NRXN1: variants seen among roughly 807,000 people sequenced by gnomAD.
NRXN1 encodes the protein neurexin 1.
NRXN1 carries 39 observed loss-of-function variants against 150.9 expected under a neutral mutation model. The ratio of observed to expected loss-of-function variants is 0.26; its 90% CI spans 0.20 to 0.34. The LOEUF (loss-of-function observed/expected upper bound fraction) is 0.34. Among genes scored for constraint, NRXN1 ranks in the 10% least tolerant of loss-of-function variants. The pLI is 1.00. For synonymous variants in NRXN1, 924 were observed against 757.0 expected (o/e 1.22, Z -3.62); for missense variants, 1,815 against 1,949.9 (o/e 0.93, Z 1.30).
At chr2:50,879,433 T>A (rs901960895) in intron 5 of NRXN1, among the ~76,000 whole-genome samples, 3 of 152,020 alleles carry the variant, frequency 2.0e-5, no homozygotes, top group Non-Finnish European at 1.5e-5. Flanking sequence ...CAAGAGAGTA[T>A]CATTTCAGGA....
intron 5 of NRXN1, among the ~76,000 whole-genome samples, chr2:50,834,745 G>A (rs1367732775): frequency 1.3e-5 from 2 of 152,004 alleles, no homozygotes; most frequent in Non-Finnish European, 2.9e-5. Flanking sequence ...CTCTGTGTGC[G>A]TATCTTAGAT....
At chr2:50,996,676 T>C (rs572017684) in intron 2 of NRXN1, among the ~76,000 whole-genome samples, 5 of 152,110 alleles carry the variant, frequency 3.3e-5, no homozygotes, top group Non-Finnish European at 5.9e-5. Context: ...GAAACCTCCA[T>C]ATTACATAAA....
intron 5 of NRXN1, among the ~76,000 whole-genome samples, chr2:50,772,209 C>T (rs1703095155): frequency 6.6e-6 from 1 of 151,728 alleles, no homozygotes; most frequent in South Asian, 2.1e-4. Context: ...CGCAACCCAA[C>T]CTCACCTAAA....
At chr2:50,149,885 C>A (rs918853879) in intron 18 of NRXN1, among the ~76,000 whole-genome samples, 2 of 151,592 alleles carry the variant, frequency 1.3e-5, no homozygotes, top group African/African-American at 4.8e-5. Context: ...TGTAAGTATT[C>A]CAGTATGTTA....
At chr2:50,271,497 T>C (rs1387215160) in intron 17 of NRXN1, among the ~76,000 whole-genome samples, 1 of 152,162 alleles carries the variant, frequency 6.6e-6, no homozygotes, top group East Asian at 1.9e-4. Context: ...CTATTCTATT[T>C]TCTTCAGTCT....
intron 17 of NRXN1, among the ~76,000 whole-genome samples, chr2:50,247,914 C>A (rs576050402): frequency 6.6e-6 from 1 of 152,224 alleles, no homozygotes; most frequent in South Asian, 2.1e-4. Context: ...AGTGAAGACA[C>A]AAGAAGGCTC....
chr2:50,863,291 T>C (rs1676402081), intron 5 of NRXN1, among the ~76,000 whole-genome samples: 1 of 152,052 alleles, frequency 6.6e-6, no homozygotes, highest in South Asian at 2.1e-4. Context: ...CTAGTTTTCT[T>C]ATGTCTAAGA....
intron 5 of NRXN1, among the ~76,000 whole-genome samples, chr2:50,695,328 G>T (rs1692670192): frequency 6.6e-6 from 1 of 152,124 alleles, no homozygotes; most frequent in African/African-American, 2.4e-5. Context: ...ATCTTGCCCA[G>T]CATCAAGCTT....
Position 50,676,927 on chromosome 2 carries a change from T to C in NRXN1, c.833-53312A>G, listed in dbSNP as rs930776882. On this transcript the variant is annotated intron_variant, in intron 5 of 22. Coordinates refer to ENST00000401669, the MANE Select transcript of NRXN1 (RefSeq NM_001330078.2). ...ATTTGATGGCAGGTGCTCAAGGCCA[T>C]GAAGGTGGTAAGTGTGAATAAAATA... Among the ~76,000 whole-genome samples the C allele has an allele frequency of 2.0e-5, 3 of 152,158 alleles. No homozygotes were observed. In the East Asian group the frequency reaches 5.8e-4, roughly 29 times the overall value.
Position 50,725,429 on chromosome 2 carries a change from C to G in NRXN1, c.833-101814G>C, listed in dbSNP as rs181273050. ...AGTACTTAAGTAAAGTGATGGGTAG[C>G]TCTTGGCAAAGTTCATGAGAAAAAT... On this transcript the variant is annotated intron_variant, in intron 5 of 22. Transcript: ENST00000401669. Among the ~76,000 whole-genome samples the G allele has an allele frequency of 1.1e-4, 16 of 151,612 alleles. No individual in the cohort carries two copies. The East Asian group carries it at 2.3e-3, about 22-fold the overall frequency.
At chr2:49,993,114 C>T (rs1429644941) in intron 21 of NRXN1, among the ~76,000 whole-genome samples, 2 of 152,142 alleles carry the variant, frequency 1.3e-5, no homozygotes, top group Admixed American at 6.6e-5. Flanking sequence ...CAAAGAGATG[C>T]TTATAGCGGC....
At chr2:50,538,708 C>G in intron 9 of NRXN1, 72 bp from the exon 10 acceptor site, 1 of 1,276,000 alleles carries the variant, frequency 7.8e-7, no homozygotes, top group South Asian at 2.6e-5. Context: ...TTCTCTCTTT[C>G]GTCTGCTTGA....
chr2:50,697,387 A>G (rs2104931913), intron 5 of NRXN1, among the ~76,000 whole-genome samples: 1 of 152,342 alleles, frequency 6.6e-6, no homozygotes, highest in African/African-American at 2.4e-5. Context: ...AGTTGGAAAG[A>G]GTGTTAAGAC....
chr2:50,947,592 T>C (rs1212469368), intron 2 of NRXN1, among the ~76,000 whole-genome samples: 1 of 151,934 alleles, frequency 6.6e-6, no homozygotes, highest in Middle Eastern at 3.2e-3. Context: ...AACTTAATTA[T>C]AGAGCTTAGA....
intron 5 of NRXN1, among the ~76,000 whole-genome samples, chr2:50,782,908 A>G (rs903172395): frequency 2.0e-5 from 3 of 152,184 alleles, no homozygotes; most frequent in African/African-American, 4.8e-5. Flanking sequence ...GCTGTTGAAC[A>G]AAGTGGGGGA....
chr2:50,833,633 T>C (rs1228824949), intron 5 of NRXN1, among the ~76,000 whole-genome samples: 1 of 152,040 alleles, frequency 6.6e-6, no homozygotes, highest in African/African-American at 2.4e-5. Flanking sequence ...GTGGATGCCA[T>C]GGGTAAAGGT....
chr2:49,992,357 G>C (rs1682119077), intron 21 of NRXN1, among the ~76,000 whole-genome samples: 1 of 151,202 alleles, frequency 6.6e-6, no homozygotes, highest in Non-Finnish European at 1.5e-5. Context: ...GGACAACATG[G>C]TGAAACTCCG....
chr2:50,474,420 T>C (rs1393387256), intron 15 of NRXN1, among the ~76,000 whole-genome samples: 1 of 151,694 alleles, frequency 6.6e-6, no homozygotes, highest in East Asian at 2.0e-4. Flanking sequence ...GTACAGTCAT[T>C]GGCAAATGTC....
intron 2 of NRXN1, among the ~76,000 whole-genome samples, chr2:50,970,749 G>A (rs558027917): frequency 6.6e-5 from 10 of 151,404 alleles, no homozygotes; most frequent in African/African-American, 2.2e-4. Context: ...ATACGTTGTG[G>A]GACTCTATTA....
Sources: gnomAD v4.1 joint callset for allele counts (sites outside exome capture counted in the v4.1 genomes callset) on GRCh38, gnomAD v4.1.1 for gene constraint, MANE v1.5 for transcripts, NCBI Gene and HGNC (gene_info 2026-07-23, HGNC 2026-07-21) for gene names.